The following SCN2A variants were observed in gnomAD, a reference collection of about 807,000 sequenced individuals.
The protein encoded by SCN2A is sodium voltage-gated channel alpha subunit 2, also known as sodium channel protein type 2 subunit alpha.
In SCN2A, 20 loss-of-function variants were observed where a neutral mutation model predicts 188.7. The ratio of observed to expected loss-of-function variants is 0.11; its 90% CI spans 0.07 to 0.15. The LOEUF (loss-of-function observed/expected upper bound fraction) is 0.15, where lower values mean the gene tolerates loss of function less well. Ranked by LOEUF, SCN2A falls within the 10% of genes least tolerant of loss-of-function variation. The probability of loss-of-function intolerance (pLI) is 1.00; values close to 1 mark genes in which losing one functional copy is unlikely to be tolerated. For synonymous variants in SCN2A, 804 were observed against 833.1 expected, an observed-to-expected ratio of 0.97 and a Z score of 0.60; for missense variants, 1,278 against 2,445.0, an observed-to-expected ratio of 0.52 and a Z score of 10.07.
At chr2:165,368,276 C>T (rs1700834128) in intron 19 of SCN2A, among the ~76,000 whole-genome samples, 1 of 152,156 alleles carries the variant, frequency 6.6e-6, no homozygotes, top group Non-Finnish European at 1.5e-5. Context: ...CAACTGTAGT[C>T]TCTGATGTCC....
chr2:165,274,325 A>G (rs1421883383), intron 1 of SCN2A: 2 of 151,356 alleles, frequency 1.3e-5, no homozygotes, highest in African/African-American at 4.8e-5. Context: ...TTTAACCAGG[A>G]GAGGGATTAT....
At chr2:165,270,099 T>G (rs1346576051) in intron 1 of SCN2A, 1 of 152,080 alleles carries the variant, frequency 6.6e-6, no homozygotes, top group African/African-American at 2.4e-5. Flanking sequence ...TCCCTCTTGA[T>G]TTCACAGCTT....
intron 3 of SCN2A, among the ~76,000 whole-genome samples, chr2:165,300,079 T>C (rs1696722409): frequency 6.6e-6 from 1 of 152,220 alleles, no homozygotes; most frequent in Non-Finnish European, 1.5e-5. Context: ...GTGCCTAGTG[T>C]CTTATTTGAT....
intron 1 of SCN2A, among the ~76,000 whole-genome samples, chr2:165,288,624 A>G (rs1274622029): frequency 6.6e-6 from 1 of 151,930 alleles, no homozygotes; most frequent in African/African-American, 2.4e-5. Context: ...ACTCTACAGC[A>G]GAAAAACACG....
chr2:165,343,091 T>C (rs1699397105), intron 15 of SCN2A, among the ~76,000 whole-genome samples: 1 of 152,226 alleles, frequency 6.6e-6, no homozygotes, highest in Non-Finnish European at 1.5e-5. Flanking sequence ...AGATAAAATA[T>C]CACTTGACAC....
chr2:165,351,431 T>G (rs1699911713), intron 16 of SCN2A, among the ~76,000 whole-genome samples: 1 of 152,200 alleles, frequency 6.6e-6, no homozygotes, highest in Non-Finnish European at 1.5e-5. Flanking sequence ...ATTCGAAAAT[T>G]AATAGTAAAC....
chr2:165,380,788 T>G, intron 24 of SCN2A, 59 bp downstream of exon 24: 1 of 1,347,736 alleles, frequency 7.4e-7, no homozygotes, highest in Non-Finnish European at 1.0e-6. Context: ...TTCATACTCT[T>G]TCCTTTAGCC....
intron 1 of SCN2A, among the ~76,000 whole-genome samples, chr2:165,241,452 A>T (rs182358425): frequency 6.6e-6 from 1 of 152,334 alleles, no homozygotes; most frequent in African/African-American, 2.4e-5. Context: ...CTATAAGAAT[A>T]TCATCTCATG....
intron 3 of SCN2A, among the ~76,000 whole-genome samples, chr2:165,303,391 T>C (rs1274003801): frequency 6.7e-6 from 1 of 148,742 alleles, no homozygotes; most frequent in African/African-American, 2.5e-5. Context: ...TTCTCCTGCC[T>C]CAGCCTCCGG....
intron 3 of SCN2A, among the ~76,000 whole-genome samples, chr2:165,299,145 A>C (rs1181365542): frequency 6.6e-6 from 1 of 152,122 alleles, no homozygotes. Context: ...ATCCCCATTT[A>C]AAACTCCCTG....
chr2:165,336,555 T>C (rs1398681390), intron 14 of SCN2A, among the ~76,000 whole-genome samples: 1 of 151,970 alleles, frequency 6.6e-6, no homozygotes. Context: ...AGAAAGGAGA[T>C]GAGTGGTTGC....
intron 16 of SCN2A, among the ~76,000 whole-genome samples, chr2:165,352,446 G>A (rs942033160): frequency 3.3e-5 from 5 of 152,098 alleles, no homozygotes; most frequent in African/African-American, 9.7e-5. Flanking sequence ...AGCCTCATTA[G>A]CATGATAGAA....
chr2:165,329,866 T>A (rs1362650252), intron 13 of SCN2A, among the ~76,000 whole-genome samples: 1 of 152,218 alleles, frequency 6.6e-6, no homozygotes, highest in East Asian at 1.9e-4. Context: ...TATTATTTAT[T>A]GTTTACAAAG....
At position 165,295,847 on chromosome 2, in the gene SCN2A, G is replaced by A. The variant is rs149534277; in HGVS notation, c.24G>A (p.Pro8=). The part of the protein sequence containing the change: MAQSVLV[P]PGPDSFRFFT... ...AGATGGCACAGTCAGTGCTGGTACC[G>A]CCAGGACCTGACAGCTTCCGCTTCT... Residue 8 remains proline, a synonymous_variant, in exon 2 of 27, where the codon CCG becomes CCA. Transcript: ENST00000375437. 448 of 1,614,052 alleles carry A rather than the reference G, an allele frequency of 2.8e-4. No homozygotes were observed. Among genetic ancestry groups the A allele is most frequent in the Non-Finnish European group, 1.7e-4 (196 of 1,180,008 alleles).
intron 17 of SCN2A, among the ~76,000 whole-genome samples, chr2:165,364,393 T>C (rs1178159047): frequency 6.6e-6 from 1 of 152,180 alleles, no homozygotes; most frequent in Non-Finnish European, 1.5e-5. Flanking sequence ...ACAACTTCTA[T>C]TATATTTTTC....
chr2:165,244,562 G>A (rs1574425093), intron 1 of SCN2A, among the ~76,000 whole-genome samples: 1 of 152,058 alleles, frequency 6.6e-6, no homozygotes, highest in Admixed American at 6.5e-5. Flanking sequence ...TTAGAGAAAT[G>A]ATTTAAGAAT....
chr2:165,342,579 C>G, intron 15 of SCN2A, 110 bp downstream of exon 15: 2 of 1,184,290 alleles, frequency 1.7e-6, no homozygotes, highest in South Asian at 2.5e-5. Context: ...TTTGAATACA[C>G]TTCTAAAACA....
intron 22 of SCN2A, among the ~76,000 whole-genome samples, 155 bp downstream of exon 22, chr2:165,375,121 TG>T (rs986820048): frequency 2.4e-4 from 37 of 152,168 alleles, no homozygotes; most frequent in African/African-American, 7.2e-4. Context: ...AGGGAACCCT[TG>T]TACATTGTTG....
chr2:165,282,059 G>A lies in SCN2A; in HGVS notation c.-51-13714G>A, dbSNP rs34836689. Among the ~76,000 whole-genome samples the A allele has an allele frequency of 9.0e-3, 1,365 of 152,222 alleles. 8 individuals are homozygous for A. The highest frequency in any genetic ancestry group is 0.014 in the Non-Finnish European group (978 of 68,018). ...CCACCCTCCAACAGGGAGAATGCTG[G>A]GCTGCTGGTGGGAAGATGTCTGTGT... On this transcript the variant is annotated intron_variant, in intron 1 of 26. Transcript: ENST00000375437.
Sources: allele counts gnomAD v4.1 joint callset (sites outside exome capture counted in the v4.1 genomes callset), GRCh38; gene constraint gnomAD v4.1.1; transcripts MANE v1.5; gene names NCBI Gene and HGNC (gene_info 2026-07-23, HGNC 2026-07-21).